SGMS1: variants seen among roughly 807,000 people sequenced by gnomAD.
SGMS1 encodes the protein phosphatidylcholine:ceramide cholinephosphotransferase 1.
Under a neutral mutation model 46.2 loss-of-function variants are expected in SGMS1, and 13 were observed. The ratio of observed to expected loss-of-function variants is 0.28; its 90% CI spans 0.18 to 0.45. The LOEUF (loss-of-function observed/expected upper bound fraction) is 0.45. Among genes scored for constraint, SGMS1 ranks in the 20% least tolerant of loss-of-function variants. The probability of loss-of-function intolerance (pLI) is 1.00; values close to 1 mark genes in which losing one functional copy is unlikely to be tolerated. For synonymous variants in SGMS1, 203 were observed against 187.8 expected, an observed-to-expected ratio of 1.08 and a Z score of -0.66; for missense variants, 324 against 519.9, an observed-to-expected ratio of 0.62 and a Z score of 3.66.
intron 6 of SGMS1, among the ~76,000 whole-genome samples, chr10:50,422,523 A>G (rs1006854516): frequency 6.6e-6 from 1 of 152,204 alleles, no homozygotes; most frequent in Non-Finnish European, 1.5e-5. Context: ...TTCATGTAAA[A>G]TCCCAGTTCC....
chr10:50,565,577 T>C (rs1181822027), intron 2 of SGMS1, among the ~76,000 whole-genome samples: 2 of 152,184 alleles, frequency 1.3e-5, no homozygotes, highest in African/African-American at 4.8e-5. Context: ...CTACCGAAAG[T>C]GTCCTGGATA....
At chr10:50,623,591 T>A in intron 1 of SGMS1, 116 bp downstream of exon 1, 1 of 984,448 alleles carries the variant, frequency 1.0e-6, no homozygotes, top group Non-Finnish European at 1.2e-6. Flanking sequence ...TCACGCCCCC[T>A]CGCCCCAGAG....
At chr10:50,470,642 A>T (rs745790463) in intron 3 of SGMS1, among the ~76,000 whole-genome samples, 12 of 151,952 alleles carry the variant, frequency 7.9e-5, no homozygotes, top group Non-Finnish European at 1.6e-4. Flanking sequence ...GGAAAGACTT[A>T]ATCTTCCCTT....
chr10:50,368,218 A>T (rs1848380060), intron 6 of SGMS1, among the ~76,000 whole-genome samples: 1 of 152,248 alleles, frequency 6.6e-6, no homozygotes. Context: ...GCTATCTTGC[A>T]GTCATACAAG....
intron 1 of SGMS1, among the ~76,000 whole-genome samples, chr10:50,602,449 A>G (rs1386348020): frequency 6.6e-6 from 1 of 152,240 alleles, no homozygotes; most frequent in Non-Finnish European, 1.5e-5. Flanking sequence ...TGAACCAAGC[A>G]TGATACTTCT....
chr10:50,550,264 T>A (rs1291705007), intron 2 of SGMS1, among the ~76,000 whole-genome samples: 1 of 152,228 alleles, frequency 6.6e-6, no homozygotes. Context: ...TAAGAAGGAA[T>A]CTAATCTATG....
chr10:50,470,882 T>G (rs1837372756), intron 3 of SGMS1, among the ~76,000 whole-genome samples: 1 of 152,260 alleles, frequency 6.6e-6, no homozygotes, highest in Non-Finnish European at 1.5e-5. Context: ...TCAAACCGGT[T>G]TCCCTTTTCC....
intron 2 of SGMS1, among the ~76,000 whole-genome samples, chr10:50,584,327 G>GT (rs1564437860): frequency 6.6e-6 from 1 of 151,880 alleles, no homozygotes; most frequent in Admixed American, 6.6e-5. Flanking sequence ...GTGAAACGCT[G>GT]TCTCTACTAA....
At chr10:50,587,943 TATC>T in intron 2 of SGMS1, among the ~76,000 whole-genome samples, 1 of 152,314 alleles carries the variant, frequency 6.6e-6, no homozygotes, top group South Asian at 2.1e-4. Flanking sequence ...TTTCCATATG[TATC>T]TTCTACTTCA....
intron 6 of SGMS1, among the ~76,000 whole-genome samples, chr10:50,382,624 A>AAC (rs1554931811): frequency 2.0e-5 from 3 of 150,686 alleles, no homozygotes; most frequent in Admixed American, 1.3e-4. Context: ...CCAAAAAAAA[A>AAC]ACACACACAC....
At chr10:50,333,482 A>G (rs1161609443) in intron 7 of SGMS1, among the ~76,000 whole-genome samples, 1 of 152,102 alleles carries the variant, frequency 6.6e-6, no homozygotes, top group Non-Finnish European at 1.5e-5. Context: ...CCATTATCCA[A>G]CCAGGACTGC....
intron 6 of SGMS1, among the ~76,000 whole-genome samples, chr10:50,374,609 C>T (rs949279551): frequency 3.9e-5 from 6 of 152,084 alleles, no homozygotes; most frequent in Non-Finnish European, 8.8e-5. Flanking sequence ...AGTAAAAAAA[C>T]CAAACCTCTT....
chr10:50,597,964 AT>A (rs1838611077), intron 1 of SGMS1, among the ~76,000 whole-genome samples: 1 of 151,488 alleles, frequency 6.6e-6, no homozygotes, highest in African/African-American at 2.4e-5. Flanking sequence ...GCGAGCTGAG[AT>A]AGCACCACTG....
At chr10:50,581,349 C>T (rs1838432683) in intron 2 of SGMS1, among the ~76,000 whole-genome samples, 1 of 152,166 alleles carries the variant, frequency 6.6e-6, no homozygotes, top group Admixed American at 6.5e-5. Flanking sequence ...CCTGAGGCTG[C>T]AGGTTATGCC....
intron 6 of SGMS1, among the ~76,000 whole-genome samples, chr10:50,370,475 G>A (rs1311012717): frequency 2.0e-5 from 3 of 150,576 alleles, no homozygotes; most frequent in African/African-American, 7.3e-5. Context: ...AGGCATGGTG[G>A]CTCACACCTG....
At chr10:50,560,349 T>TGC (rs1838224999) in intron 2 of SGMS1, among the ~76,000 whole-genome samples, 2 of 137,982 alleles carry the variant, frequency 1.4e-5, no homozygotes, top group South Asian at 4.4e-4. Context: ...TTATTAATAA[T>TGC]ATATATTATA....
intron 6 of SGMS1, among the ~76,000 whole-genome samples, chr10:50,403,066 G>A: frequency 6.6e-6 from 1 of 152,154 alleles, no homozygotes; most frequent in African/African-American, 2.4e-5. Flanking sequence ...GTTGTAACCA[G>A]AACCATTTTA....
chr10:50,590,968 C>T (rs1838535109), intron 1 of SGMS1, among the ~76,000 whole-genome samples: 1 of 151,506 alleles, frequency 6.6e-6, no homozygotes, highest in African/African-American at 2.4e-5. Context: ...ACTTAGAAGG[C>T]ATCCACGTAC....
At chr10:50,503,132 A>G (rs1837675963) in intron 3 of SGMS1, among the ~76,000 whole-genome samples, 1 of 152,226 alleles carries the variant, frequency 6.6e-6, no homozygotes, top group Non-Finnish European at 1.5e-5. Flanking sequence ...TGTAATGTCT[A>G]CAGAAAGCTC....
Sources: gnomAD v4.1 joint callset for allele counts (sites outside exome capture counted in the v4.1 genomes callset) on GRCh38, gnomAD v4.1.1 for gene constraint, MANE v1.5 for transcripts, NCBI Gene and HGNC (gene_info 2026-07-23, HGNC 2026-07-21) for gene names.